Variants in BIN1 observed in about 807,000 individuals in gnomAD.
BIN1 encodes myc box-dependent-interacting protein 1.
A neutral mutation model predicts 82.0 loss-of-function variants in BIN1; 53 were observed. The ratio of observed to expected loss-of-function variants is 0.65; its 90% confidence interval spans 0.52 to 0.81. The LOEUF is 0.81. Among genes scored for constraint, BIN1 ranks in the 40% least tolerant of loss-of-function variants. The pLI is 0.00. For missense variants in BIN1, 642 were observed against 784.4 expected (o/e 0.82, Z 2.17); for synonymous variants, 302 against 328.0 (o/e 0.92, Z 0.86).
At position 127,090,948 on chromosome 2, in the gene BIN1, CTGG is replaced by C. The variant is rs921196989; in HGVS notation, c.85-14245_85-14243del. On this transcript the variant is annotated intron_variant, in intron 1 of 18. Coordinates refer to ENST00000316724, the MANE Select transcript of BIN1 (RefSeq NM_139343.3). This position sits in a 1 kb window ranked among gnomAD's most constrained non-coding sequence, Gnocchi z 6.4. Reference sequence around the variant, plus strand: ...CAGGCACAGGAGCTGACTTGTTCTTCTGGATGCCTTCAGGTTCTTACACGTCTG... The same window carrying C: ...CAGGCACAGGAGCTGACTTGTTCTTCATGCCTTCAGGTTCTTACACGTCTG... 1.3e-5 allele frequency among the ~76,000 whole-genome samples: 2 copies of C among 152,230 alleles called. No individual in the cohort carries two copies. The highest frequency in any genetic ancestry group is 2.9e-5 in the Non-Finnish European group (2 of 68,038).
intron 1 of BIN1, among the ~76,000 whole-genome samples, chr2:127,080,377 G>A (rs1312300445): frequency 6.6e-6 from 1 of 152,230 alleles, no homozygotes; most frequent in Non-Finnish European, 1.5e-5. Context: ...AGCGACTAAG[G>A]AAAGCTGGGC....
chr2:127,051,720 G>T (rs555589595), intron 15 of BIN1, among the ~76,000 whole-genome samples: 1 of 152,328 alleles, frequency 6.6e-6, no homozygotes, highest in Admixed American at 6.5e-5. Context: ...TGCAGCCTGT[G>T]CGCAGCCCAA....
chr2:127,105,613 G>C (rs1286205542), intron 1 of BIN1, among the ~76,000 whole-genome samples: 1 of 152,066 alleles, frequency 6.6e-6, no homozygotes, highest in African/African-American at 2.4e-5. Context: ...ACACAGGGAT[G>C]AGCAGTAGGA....
rs1011135459 is a variant in BIN1 at position 127,068,641 on chromosome 2, C to T, written c.519+283G>A. ...CCACCCGGCTCGCCAGGCAGGGCGGCGCCGTTCCAGGGAAACCCAGGAGGC... is the reference window on the plus strand; with the variant it reads ...CCACCCGGCTCGCCAGGCAGGGCGGTGCCGTTCCAGGGAAACCCAGGAGGC... On this transcript the variant is annotated intron_variant, in intron 6 of 18. Coordinates refer to ENST00000316724, the MANE Select transcript of BIN1 (RefSeq NM_139343.3). The surrounding 1 kb of genome is among the most constrained non-coding windows in gnomAD (Gnocchi z 4.9). Among the ~76,000 whole-genome samples the T allele has an allele frequency of 1.9e-4, 29 of 152,084 alleles. No homozygotes were observed. Among genetic ancestry groups the T allele is most frequent in the African/African-American group, 4.1e-4 (17 of 41,412 alleles).
At position 127,093,310 on chromosome 2, in the gene BIN1, C is replaced by G. The variant is rs1679180596; in HGVS notation, c.84+13550G>C. ...TCCTGCCCTTCTGTCTCTCTCCCCT[C>G]TTTTTCCCTGCCCAGGTGAGTCATC... On this transcript the variant is annotated intron_variant, in intron 1 of 18. Transcript: ENST00000316724. This position sits in a 1 kb window ranked among gnomAD's most constrained non-coding sequence, Gnocchi z 5.7. 6.6e-6 allele frequency among the ~76,000 whole-genome samples: 1 copy of G among 152,226 alleles called. No individual in the cohort carries two copies. Among genetic ancestry groups the G allele is most frequent in the South Asian group, 2.1e-4 (1 of 4,832 alleles).
rs766215210 is a variant in BIN1, at chr2:127,050,414, C to G, written c.1674+7G>C. On this transcript the variant is annotated splice_region_variant and intron_variant, in intron 18 of 18. Transcript: ENST00000316724. Reference sequence around the variant, plus strand: ...CCTGCGCTCTGGCGGCCCCACCCAGCCCTCACCTGCTCTTCAGGGTTCTGG... The same window carrying G: ...CCTGCGCTCTGGCGGCCCCACCCAGGCCTCACCTGCTCTTCAGGGTTCTGG... 14 of 1,613,890 alleles carry G rather than the reference C, an allele frequency of 8.7e-6. No homozygotes were observed. The African/African-American group carries it at 1.6e-4, about 18-fold the overall frequency.
At chr2:127,061,324 C>T (rs547867642) in intron 10 of BIN1, among the ~76,000 whole-genome samples, 4 of 151,898 alleles carry the variant, frequency 2.6e-5, no homozygotes, top group African/African-American at 9.6e-5. Context: ...AAGGAGGGGG[C>T]AATCACCACC....
chr2:127,097,928 T>C (rs1028256535), intron 1 of BIN1, among the ~76,000 whole-genome samples: 1 of 152,202 alleles, frequency 6.6e-6, no homozygotes, highest in African/African-American at 2.4e-5. Context: ...CTTTGCCCTC[T>C]GAACTTGGCT....
Position 127,068,349 on chromosome 2 carries a change from G to A in BIN1, c.520-94C>T, listed in dbSNP as rs891966401. ...ACACAGATTAAATGCAGGTCCACACGCCCCACGCGCGGGGGCCACCCCAAG... is the reference window on the plus strand; with the variant it reads ...ACACAGATTAAATGCAGGTCCACACACCCCACGCGCGGGGGCCACCCCAAG... On this transcript the variant is annotated intron_variant, in intron 6 of 18. Transcript: ENST00000316724. This position sits in a 1 kb window ranked among gnomAD's most constrained non-coding sequence, Gnocchi z 4.9. 3.4e-5 allele frequency: 35 copies of A among 1,032,808 alleles called. No homozygotes were observed. In the Admixed American group the frequency reaches 3.5e-4, roughly 10 times the overall value. The allele number at this position is 1,032,808 out of a possible 1,614,324, so 64.0% of individuals were successfully genotyped here.
Position 127,062,150 on chromosome 2 carries a change from G to T in BIN1, c.822C>A (p.His274Gln). 1 of 1,611,066 alleles carries T rather than the reference G, an allele frequency of 6.2e-7. No individual in the cohort carries two copies. The highest frequency in any genetic ancestry group is 1.7e-5 in the Admixed American group (1 of 59,766). Residue 274 changes from histidine (H) to glutamine (Q), a missense_variant, in exon 10 of 19, where the codon CAC becomes CAA. By Grantham distance (24) the His-to-Gln change is conservative. Coordinates refer to ENST00000316724, the MANE Select transcript of BIN1 (RefSeq NM_139343.3). ...NDVLVGLEKQ[H>Q]GSNTFTVKAQ... ...CCTTGACCGTGAAGGTGTTGCTCCC[G>T]TGTTGCTTCTCCAGGCCGACCAGCA...
chr2:127,070,995 C>T (rs566649161), intron 2 of BIN1, among the ~76,000 whole-genome samples, 179 bp from the exon 3 acceptor site: 5 of 152,306 alleles, frequency 3.3e-5, no homozygotes, highest in African/African-American at 7.2e-5. Context: ...AGAAGCCCTG[C>T]GTCCATAGGC....
At chr2:127,053,292 CTG>C in intron 14 of BIN1, 128 bp downstream of exon 14, 2 of 1,342,906 alleles carry the variant, frequency 1.5e-6, no homozygotes, top group East Asian at 5.0e-5. Context: ...GAGCACGTGC[CTG>C]TGTGTCCTGC....
chr2:127,106,158 G>A (rs1028511829), intron 1 of BIN1, among the ~76,000 whole-genome samples: 1 of 152,202 alleles, frequency 6.6e-6, no homozygotes, highest in Non-Finnish European at 1.5e-5. Context: ...AGCCAGTGCC[G>A]CCACCCGCTC....
rs185223406 is a variant in BIN1 at position 127,070,449 on chromosome 2, C to T, written c.315+104G>A. 5.0e-6 allele frequency: 7 copies of T among 1,413,302 alleles called. No homozygotes were observed. In the African/African-American group the frequency reaches 9.8e-5, roughly 20 times the overall value. 87.5% of individuals were successfully genotyped at this position (1,413,302 alleles called of 1,614,324 possible). A position where few individuals can be genotyped will look rare whatever the true frequency, so the allele number is the denominator to read the frequency against. ...CCCCAGGGCACACAGCACGCGAATG[C>T]CCGAGAACCAGAGAGGCTTGTCCCA... On this transcript the variant is annotated intron_variant, in intron 4 of 18. Transcript: ENST00000316724.
Position 127,068,896 on chromosome 2 carries a change from G to A in BIN1, c.519+28C>T, listed in dbSNP as rs769454297. 14 of 1,595,860 alleles carry A rather than the reference G, an allele frequency of 8.8e-6. No homozygotes were observed. The highest frequency in any genetic ancestry group is 1.7e-5 in the Admixed American group (1 of 59,972). ...CGCCCTCTCTCAGCCCCCTGCAGAC[G>A]CTGCCCCGACCCGCCTCCAGCCCTT... On this transcript the variant is annotated intron_variant, in intron 6 of 18. Transcript: ENST00000316724. This position sits in a 1 kb window ranked among gnomAD's most constrained non-coding sequence, Gnocchi z 4.9.
At chr2:127,078,782 G>T (rs1304344782) in intron 1 of BIN1, among the ~76,000 whole-genome samples, 1 of 152,162 alleles carries the variant, frequency 6.6e-6, no homozygotes, top group Admixed American at 6.5e-5. Context: ...GGGCTGAGCT[G>T]GGGAGGTTCC....
chr2:127,069,883 T>C, intron 5 of BIN1, 112 bp downstream of exon 5: 1 of 1,137,946 alleles, frequency 8.8e-7, no homozygotes. Context: ...GGCCAGGCGC[T>C]TCCTGCCTCC....
intron 1 of BIN1, among the ~76,000 whole-genome samples, chr2:127,105,730 A>G (rs1167811468): frequency 6.6e-6 from 1 of 152,074 alleles, no homozygotes; most frequent in Admixed American, 6.5e-5. Flanking sequence ...AGCAAAAGTC[A>G]TTGTTTATAA....
chr2:127,065,694 G>C (rs1685074557), intron 7 of BIN1, among the ~76,000 whole-genome samples: 1 of 152,186 alleles, frequency 6.6e-6, no homozygotes. Flanking sequence ...GATGGCAACG[G>C]TGGGGACAGC....
Sources: gnomAD v4.1 joint callset for allele counts (sites outside exome capture counted in the v4.1 genomes callset) on GRCh38, gnomAD v4.1.1 for gene constraint, Gnocchi (gnomAD v3.1) non-coding constraint, MANE v1.5 for transcripts, NCBI Gene and HGNC (gene_info 2026-07-23, HGNC 2026-07-21) for gene names.